The following PSPC1 variants were observed in gnomAD, a reference collection of about 807,000 sequenced individuals.
The protein encoded by PSPC1 is paraspeckle protein 1.
A neutral mutation model predicts 51.6 loss-of-function variants in PSPC1; 14 were observed. The ratio of observed to expected loss-of-function variants is 0.27; its 90% CI spans 0.18 to 0.42. The LOEUF (loss-of-function observed/expected upper bound fraction) is 0.42, where lower values mean the gene tolerates loss of function less well. PSPC1 is among the 10% of genes least tolerant of loss of function. The pLI is 1.00. For missense variants in PSPC1, 406 were observed against 701.1 expected (o/e 0.58, Z 4.75); for synonymous variants, 193 against 231.9 (o/e 0.83, Z 1.53).
intron 7 of PSPC1, among the ~76,000 whole-genome samples, 173 bp downstream of exon 7, chr13:19,709,369 T>C (rs1168746021): frequency 6.6e-6 from 1 of 152,128 alleles, no homozygotes; most frequent in Non-Finnish European, 1.5e-5. Flanking sequence ...TTCCCAGACA[T>C]ATATTTTTAA....
rs192241216 is a variant in PSPC1, at chr13:19,736,072, G to A, written c.1052+5493C>T. 2.2e-4 allele frequency among the ~76,000 whole-genome samples: 34 copies of A among 151,868 alleles called. No homozygotes were observed. The East Asian group carries it at 4.3e-3, about 19-fold the overall frequency. On this transcript the variant is annotated intron_variant, in intron 5 of 8. Coordinates refer to ENST00000338910, the MANE Select transcript of PSPC1 (RefSeq NM_001354909.2). Reference sequence around the variant, plus strand: ...CCTGACCTTGTGATCCGCCTGCCTCGGCCTCCCAAAGTGCTGGGATTACAG... The same window carrying A: ...CCTGACCTTGTGATCCGCCTGCCTCAGCCTCCCAAAGTGCTGGGATTACAG...
Position 19,776,519 on chromosome 13 carries a change from T to A in PSPC1, c.373-3976A>T, listed in dbSNP as rs372864364. 1.3e-3 allele frequency among the ~76,000 whole-genome samples: 198 copies of A among 149,256 alleles called. 1 individual carries two copies. The highest frequency in any genetic ancestry group is 4.5e-3 in the African/African-American group (186 of 40,946). On this transcript the variant is annotated intron_variant, in intron 1 of 8. Transcript: ENST00000338910. ...TGTGTACCCTTTACTATATGCAAAT[T>A]TTTTTTTTTTTGAGATGGAGTCTCA...
downstream of PSPC1, chr13:19,673,286 T>C: frequency 2.7e-6 from 1 of 367,972 alleles, no homozygotes. Context: ...AGTTGAAAAT[T>C]GTTTTGTTCC....
intron 1 of PSPC1, among the ~76,000 whole-genome samples, chr13:19,781,830 CAT>C (rs1442520147): frequency 1.3e-5 from 2 of 152,170 alleles, no homozygotes; most frequent in African/African-American, 4.8e-5. Context: ...CCCTTAAACG[CAT>C]ATAGGTGTGG....
At chr13:19,752,788 A>G (rs1035800381) in intron 3 of PSPC1, among the ~76,000 whole-genome samples, 7 of 151,806 alleles carry the variant, frequency 4.6e-5, no homozygotes, top group South Asian at 4.2e-4. Context: ...GGGTTTCACT[A>G]TGTTGGCCAG....
chr13:19,760,901 T>C (rs982936023), intron 2 of PSPC1, among the ~76,000 whole-genome samples: 1 of 151,682 alleles, frequency 6.6e-6, no homozygotes, highest in Non-Finnish European at 1.5e-5. Flanking sequence ...GGCAGGAGAA[T>C]CGCTTGAATC....
At chr13:19,677,438 G>A (rs945376611) in intron 7 of PSPC1, among the ~76,000 whole-genome samples, 4 of 151,754 alleles carry the variant, frequency 2.6e-5, no homozygotes, top group Admixed American at 6.6e-5. Context: ...ATTAATATAC[G>A]CATTACACCA....
chr13:19,738,892 C>A (rs1419563777), intron 5 of PSPC1, among the ~76,000 whole-genome samples: 1 of 142,900 alleles, frequency 7.0e-6, no homozygotes, highest in Admixed American at 7.2e-5. Flanking sequence ...GGCGACAGAG[C>A]GAGACTCCAT....
At chr13:19,767,740 G>A (rs1051229156) in intron 2 of PSPC1, among the ~76,000 whole-genome samples, 4 of 151,778 alleles carry the variant, frequency 2.6e-5, no homozygotes, top group Non-Finnish European at 4.4e-5. Flanking sequence ...GGATTTTTAC[G>A]TCACACTCAA....
intron 6 of PSPC1, among the ~76,000 whole-genome samples, chr13:19,715,868 G>T (rs1593603249): frequency 6.6e-6 from 1 of 152,142 alleles, no homozygotes; most frequent in Middle Eastern, 3.4e-3. Context: ...AAAAAAATTA[G>T]CTGGGCATGG....
At position 19,751,396 on chromosome 13, in the gene PSPC1, G is replaced by C. The variant is rs930129239; in HGVS notation, c.842C>G (p.Ala281Gly). Residue 281 changes from alanine to glycine, a missense_variant, in exon 4 of 9, where the codon GCT becomes GGT. Transcript: ENST00000338910. ...CTGCTGCTTTTCCATTTCATCAAGA[G>C]CCTTCCATCGAGATGCATACTCAAA... ...FEFEYASRWK[A>G]LDEMEKQQRE... is the part of the protein sequence containing the mutation. 2 of 1,591,490 alleles carry C rather than the reference G, an allele frequency of 1.3e-6. No individual in the cohort carries two copies. The highest frequency in any genetic ancestry group is 1.7e-6 in the Non-Finnish European group (2 of 1,171,626).
intron 8 of PSPC1, among the ~76,000 whole-genome samples, chr13:19,704,830 C>T (rs1880444734): frequency 6.6e-6 from 1 of 152,146 alleles, no homozygotes; most frequent in Non-Finnish European, 1.5e-5. Flanking sequence ...AAACTGTCTA[C>T]TTTAAATTTA....
At chr13:19,713,533 G>T in intron 6 of PSPC1, among the ~76,000 whole-genome samples, 1 of 85,538 alleles carries the variant, frequency 1.2e-5, no homozygotes, top group South Asian at 4.7e-4. Context: ...ATATCTCCAT[G>T]TCCCAGACAG....
chr13:19,751,905 A>G lies in PSPC1; in HGVS notation c.771-438T>C, dbSNP rs987010769. ...ATCCCGTCTCTACTAAAAATACAAA[A>G]AAATTAGCCGGGCGTGGTGGCAGGC... On this transcript the variant is annotated intron_variant, in intron 3 of 8. Transcript: ENST00000338910. 3.9e-5 allele frequency among the ~76,000 whole-genome samples: 6 copies of G among 152,036 alleles called. No individual in the cohort carries two copies. The East Asian group carries it at 5.8e-4, about 15-fold the overall frequency.
At chr13:19,733,805 T>A (rs1884436082) in intron 5 of PSPC1, among the ~76,000 whole-genome samples, 1 of 148,584 alleles carries the variant, frequency 6.7e-6, no homozygotes, top group African/African-American at 2.5e-5. Flanking sequence ...ATATATATAT[T>A]AGGCAGGTAT....
intron 7 of PSPC1, among the ~76,000 whole-genome samples, chr13:19,709,158 CAAAAAAAAAAA>C (rs11446310): frequency 1.2e-5 from 1 of 83,718 alleles, no homozygotes; most frequent in South Asian, 5.1e-4. Flanking sequence ...GGTCCTGCCT[CAAAAAAAAAAA>C]AAAAAAAAAA....
rs773754157 is a variant in PSPC1, at chr13:19,782,336, G to A, written c.372+50C>T. 2.0e-6 allele frequency: 3 copies of A among 1,520,630 alleles called. No homozygotes were observed. The highest frequency in any genetic ancestry group is 2.1e-5 in the Admixed American group (1 of 47,956). The allele number at this position is 1,520,630 out of a possible 1,614,324, so 94.2% of individuals were successfully genotyped here. On this transcript the variant is annotated intron_variant, in intron 1 of 8. Coordinates refer to ENST00000338910, the MANE Select transcript of PSPC1 (RefSeq NM_001354909.2). The surrounding 1 kb of genome is among the most constrained non-coding windows in gnomAD (Gnocchi z 4.5). ...GCTGGCCTCAGCCCCACGACCCCGC[G>A]GCCACCCCGACAGTCCTTTTGTTCC... is the stretch of plus-strand genomic sequence containing the variant.
At chr13:19,746,431 T>A (rs1347386258) in intron 4 of PSPC1, among the ~76,000 whole-genome samples, 5 of 148,234 alleles carry the variant, frequency 3.4e-5, no homozygotes, top group Non-Finnish European at 7.4e-5. Flanking sequence ...TAAAAAAAAA[T>A]AAATGTAATG....
At chr13:19,777,668 C>T (rs902092234) in intron 1 of PSPC1, among the ~76,000 whole-genome samples, 25 of 152,082 alleles carry the variant, frequency 1.6e-4, no homozygotes, top group African/African-American at 6.0e-4. Context: ...TACAGTCTCA[C>T]CAGGCACAGT....
Sources: allele counts gnomAD v4.1 joint callset (sites outside exome capture counted in the v4.1 genomes callset), GRCh38; gene constraint gnomAD v4.1.1; non-coding constraint Gnocchi (gnomAD v3.1); transcripts MANE v1.5; gene names NCBI Gene and HGNC (gene_info 2026-07-23, HGNC 2026-07-21).